Variants in ANXA1 observed in about 807,000 individuals in gnomAD.
ANXA1 encodes the protein annexin I (lipocortin I).
Under a neutral mutation model 47.9 loss-of-function variants are expected in ANXA1, and 39 were observed. The observed-to-expected ratio is 0.81, with a 90% CI of 0.63 to 1.06. The LOEUF (loss-of-function observed/expected upper bound fraction) is 1.06, where lower values mean the gene tolerates loss of function less well. Ranked by LOEUF, ANXA1 falls within the 50% of genes least tolerant of loss-of-function variation. The probability of loss-of-function intolerance (pLI) is 0.00; values close to 1 mark genes in which losing one functional copy is unlikely to be tolerated. For missense variants in ANXA1, 446 were observed against 422.7 expected, an observed-to-expected ratio of 1.06 and a Z score of -0.48; for synonymous variants, 146 against 142.5, an observed-to-expected ratio of 1.02 and a Z score of -0.17.
chr9:73,165,255 A>G (rs986688921), intron 9 of ANXA1, 46 bp downstream of exon 9: 16 of 1,521,070 alleles, frequency 1.1e-5, no homozygotes, highest in Middle Eastern at 1.7e-4. Flanking sequence ...GGAAGATGCA[A>G]TTTTCTTTTT....
Position 73,160,244 on chromosome 9 carries a change from C to T in ANXA1, c.271-19C>T. 1 of 1,518,518 alleles carries T rather than the reference C, an allele frequency of 6.6e-7. No homozygotes were observed. The highest frequency in any genetic ancestry group is 1.3e-5 in the South Asian group (1 of 79,956). 94.1% of individuals were successfully genotyped at this position (1,518,518 alleles called of 1,614,324 possible). ...ATGTTACTTATTGGAAGTCCTGATT[C>T]TAATCTTTTTTTTTGTAGCCCCTGG... On this transcript the variant is annotated intron_variant, in intron 4 of 12. Coordinates refer to ENST00000257497, the MANE Select transcript of ANXA1 (RefSeq NM_000700.3).
chr9:73,167,417 C>A, intron 10 of ANXA1, 80 bp from the exon 11 acceptor site: 18 of 1,369,120 alleles, frequency 1.3e-5, no homozygotes, highest in Non-Finnish European at 1.9e-5. Flanking sequence ...TGGCAAAATT[C>A]TATATTTCCT....
At position 73,163,165 on chromosome 9, in the gene ANXA1, G is replaced by A. The variant is rs550186455; in HGVS notation, c.555+304G>A. On this transcript the variant is annotated intron_variant, in intron 7 of 12. Transcript: ENST00000257497. ...CCAGCCTCGTTAACAACCAGCTCTC[G>A]TGGTTCTCATGAGCAAGAACTCATT... 3.6e-4 allele frequency among the ~76,000 whole-genome samples: 55 copies of A among 152,164 alleles called. No individual in the cohort carries two copies. In the South Asian group the frequency reaches 6.9e-3, roughly 19 times the overall value.
chr9:73,168,545 ACATAAC>A (rs1440071027), intron 11 of ANXA1: 4 of 152,398 alleles, frequency 2.6e-5, no homozygotes, highest in Non-Finnish European at 5.9e-5. Flanking sequence ...GCAAAAGGTA[ACATAAC>A]CTTCTCAAGA....
chr9:73,162,085 C>A (rs1824151765), intron 6 of ANXA1, among the ~76,000 whole-genome samples: 1 of 152,040 alleles, frequency 6.6e-6, no homozygotes, highest in Non-Finnish European at 1.5e-5. Flanking sequence ...AGGCTCTTTT[C>A]AACAGCCAGT....
At position 73,158,743 on chromosome 9, in the gene ANXA1, T is replaced by C. The variant is rs767002428; in HGVS notation, c.115T>C (p.Tyr39His). The C allele has an allele frequency of 1.2e-6, 2 of 1,613,832 alleles. No individual in the cohort carries two copies. Among genetic ancestry groups the C allele is most frequent in the Middle Eastern group, 1.6e-4 (1 of 6,080 alleles). The change falls in exon 3 of 13, where the codon TAT becomes CAT. Residue 39 changes from tyrosine to histidine, a missense_variant. Physicochemically the swap from Tyr to His is moderately conservative, Grantham distance 83 (BLOSUM62 2). Transcript: ENST00000257497. ...KGGPGSAVSP[Y>H]PTFNPSSDVA... The stretch of plus-strand genomic sequence containing the variant: ...TGGTCCCGGATCAGCGGTGAGCCCC[T>C]ATCCTACCTTCAATCCATCCTCGGA...
intron 8 of ANXA1, 59 bp from the exon 9 acceptor site, chr9:73,165,057 T>C: frequency 1.5e-6 from 2 of 1,362,782 alleles, no homozygotes; most frequent in Admixed American, 1.7e-5. Flanking sequence ...GGTCTAACAT[T>C]ATTGTGCAGA....
intron 3 of ANXA1, 102 bp from the exon 4 acceptor site, chr9:73,159,227 T>C: frequency 1.1e-6 from 1 of 928,254 alleles, no homozygotes; most frequent in South Asian, 1.5e-5. Flanking sequence ...TATTTCTTAA[T>C]TTGTTAAGAA....
At chr9:73,165,313 C>G in intron 9 of ANXA1, 104 bp downstream of exon 9, 1 of 830,402 alleles carries the variant, frequency 1.2e-6, no homozygotes, top group Non-Finnish European at 1.9e-6. Context: ...TTCAATATCA[C>G]TCCTGTATCA....
chr9:73,154,992 T>G (rs534958572), intron 1 of ANXA1, among the ~76,000 whole-genome samples: 1 of 152,220 alleles, frequency 6.6e-6, no homozygotes, highest in African/African-American at 2.4e-5. Context: ...AAATTCTAGA[T>G]AGAGGTAGCC....
chr9:73,163,449 C>T (rs1026570099), intron 7 of ANXA1, 27 bp from the exon 8 acceptor site: 2 of 1,608,376 alleles, frequency 1.2e-6, no homozygotes, highest in African/African-American at 1.3e-5. Flanking sequence ...TAGAGAAGAG[C>T]TTACAATAGA....
At chr9:73,163,010 A>G (rs778683806) in intron 7 of ANXA1, 149 bp downstream of exon 7, 70 of 677,988 alleles carry the variant, frequency 1.0e-4, no homozygotes, top group Non-Finnish European at 1.4e-4. Context: ...TGGCTAACAA[A>G]TTCAAGTTTG....
chr9:73,157,337 G>A (rs1824063452), intron 1 of ANXA1, among the ~76,000 whole-genome samples: 1 of 152,006 alleles, frequency 6.6e-6, no homozygotes, highest in South Asian at 2.1e-4. Context: ...TGTACAGATT[G>A]GCACAAGTTA....
At chr9:73,160,738 A>C in intron 5 of ANXA1, 65 bp from the exon 6 acceptor site, 2 of 1,265,080 alleles carry the variant, frequency 1.6e-6, no homozygotes, top group Non-Finnish European at 2.3e-6. Context: ...AACACCAAAA[A>C]CTCATTGATC....
intron 8 of ANXA1, among the ~76,000 whole-genome samples, chr9:73,164,245 A>T (rs1433667736): frequency 1.3e-5 from 2 of 152,164 alleles, no homozygotes; most frequent in African/African-American, 4.8e-5. Flanking sequence ...CTGCTATACC[A>T]GTACATTATC....
chr9:73,158,312 G>A, intron 1 of ANXA1: 1 of 485,642 alleles, frequency 2.1e-6, no homozygotes, highest in Non-Finnish European at 3.7e-6. Flanking sequence ...CAATTTCAGA[G>A]AGGAGGGTAT....
At chr9:73,167,701 A>G in intron 11 of ANXA1, 146 bp downstream of exon 11, 5 of 715,066 alleles carry the variant, frequency 7.0e-6, no homozygotes, top group South Asian at 6.3e-5. Flanking sequence ...GAGGTAATAC[A>G]CTACCTTCTC....
At position 73,169,972 on chromosome 9, in the gene ANXA1, A is replaced by G. The variant is rs772605179; in HGVS notation, c.985-79A>G. 6.5e-4 allele frequency: 690 copies of G among 1,054,710 alleles called. 2 individuals carry two copies. Among genetic ancestry groups the G allele is most frequent in the Middle Eastern group, 5.1e-3 (18 of 3,496 alleles). The allele number at this position is 1,054,710 out of a possible 1,614,324, so 65.3% of individuals were successfully genotyped here. On this transcript the variant is annotated intron_variant, in intron 12 of 12. Coordinates refer to ENST00000257497, the MANE Select transcript of ANXA1 (RefSeq NM_000700.3). ...ATCTCATCTACAGCTAAGTCTAAAA[A>G]TAATTCTTCTATAAGTAAAAAAAAA...
intron 10 of ANXA1, 96 bp downstream of exon 10, chr9:73,166,288 A>G: frequency 1.2e-6 from 1 of 850,912 alleles, no homozygotes; most frequent in Non-Finnish European, 1.8e-6. Flanking sequence ...AAAACCAATA[A>G]AAGAAAACAA....
Sources: allele counts gnomAD v4.1 joint callset (sites outside exome capture counted in the v4.1 genomes callset), GRCh38; gene constraint gnomAD v4.1.1; transcripts MANE v1.5; gene names NCBI Gene and HGNC (gene_info 2026-07-23, HGNC 2026-07-21).